The following SPECC1 variants were observed in gnomAD, a reference collection of about 807,000 sequenced individuals.
SPECC1 encodes the protein cytospin-B.
In SPECC1, 62 loss-of-function variants were observed where a neutral mutation model predicts 104.1. That is an observed-to-expected ratio of 0.60 (90% confidence interval 0.49 to 0.74). The LOEUF (loss-of-function observed/expected upper bound fraction) is 0.74, where lower values mean the gene tolerates loss of function less well. Ranked by LOEUF, SPECC1 falls within the 30% of genes least tolerant of loss-of-function variation. SPECC1 has a pLI of 0.00. For missense variants in SPECC1, 1,306 were observed against 1,310.5 expected (o/e 1.00, Z 0.05); for synonymous variants, 513 against 501.6 (o/e 1.02, Z -0.30).
intron 1 of SPECC1, among the ~76,000 whole-genome samples, chr17:20,081,403 T>C (rs1263207450): frequency 6.6e-6 from 1 of 152,044 alleles, no homozygotes; most frequent in Non-Finnish European, 1.5e-5. Flanking sequence ...TGGTTTTTTT[T>C]CCCAGTGCAG....
At chr17:20,143,862 G>A (rs1222393197) in intron 3 of SPECC1, among the ~76,000 whole-genome samples, 1 of 152,228 alleles carries the variant, frequency 6.6e-6, no homozygotes, top group Non-Finnish European at 1.5e-5. Context: ...TGTACCTGCA[G>A]CAGTGAGTGC....
rs985725698 is a variant in SPECC1 at position 20,222,430 on chromosome 17, C to T, written c.1864-4983C>T. Among the ~76,000 whole-genome samples the T allele has an allele frequency of 2.0e-4, 31 of 152,226 alleles. 1 individual carries two copies. The highest frequency in any genetic ancestry group is 6.5e-5 in the Admixed American group (1 of 15,290). On this transcript the variant is annotated intron_variant, in intron 4 of 14. Coordinates refer to ENST00000395527, the MANE Select transcript of SPECC1 (RefSeq NM_001243439.2). ...AGGAAAAGAGTGTGTATTCTGCAGC[C>T]ATTAGATGAAATGTTCTGTAAAGGT...
At chr17:20,129,038 A>G (rs756089407) in intron 3 of SPECC1, among the ~76,000 whole-genome samples, 34 of 151,628 alleles carry the variant, frequency 2.2e-4, no homozygotes, top group Non-Finnish European at 4.1e-4. Context: ...GACTACAGCC[A>G]TGCGCCACCA....
At chr17:20,102,283 G>GT (rs2047979948) in intron 2 of SPECC1, among the ~76,000 whole-genome samples, 1 of 152,234 alleles carries the variant, frequency 6.6e-6, no homozygotes, top group South Asian at 2.1e-4. Context: ...CGTGGGATCA[G>GT]TTTTTTGTCT....
At chr17:20,014,307 A>G (rs1161918539) in intron 1 of SPECC1, among the ~76,000 whole-genome samples, 1 of 152,222 alleles carries the variant, frequency 6.6e-6, no homozygotes, top group Admixed American at 6.5e-5. Flanking sequence ...GAGTAAAGCA[A>G]AAAAGAATCT....
At chr17:20,096,918 G>C (rs1316701056) in intron 2 of SPECC1, 120 bp downstream of exon 2, 1 of 1,307,118 alleles carries the variant, frequency 7.7e-7, no homozygotes, top group African/African-American at 1.5e-5. Flanking sequence ...TCCCAAGGAG[G>C]GGTCGCAGGA....
chr17:20,285,086 C>A (rs1342088713), intron 12 of SPECC1, among the ~76,000 whole-genome samples: 2 of 152,148 alleles, frequency 1.3e-5, no homozygotes, highest in African/African-American at 2.4e-5. Flanking sequence ...GTGTACCCTG[C>A]AGCTTGTCCC....
chr17:20,058,646 G>A (rs1253025648), intron 1 of SPECC1, among the ~76,000 whole-genome samples: 1 of 152,038 alleles, frequency 6.6e-6, no homozygotes, highest in Non-Finnish European at 1.5e-5. Flanking sequence ...GCAACAAAGT[G>A]AGACCGTGTA....
rs777136362 is a variant in SPECC1 at position 20,316,254 on chromosome 17, G to A, written c.*2189G>A. On this transcript the variant is annotated 3_prime_UTR_variant, in exon 15 of 15. Coordinates refer to ENST00000395527, the MANE Select transcript of SPECC1 (RefSeq NM_001243439.2). ...TCCCAAGTAGTTGAGTTGAGCTGTTGGTTGTTAGATTTAAGCTGGAATTAG... is the reference window on the plus strand; with the variant it reads ...TCCCAAGTAGTTGAGTTGAGCTGTTAGTTGTTAGATTTAAGCTGGAATTAG... 3 of 231,890 alleles carry A rather than the reference G, an allele frequency of 1.3e-5. No individual in the cohort carries two copies. Among genetic ancestry groups the A allele is most frequent in the Admixed American group, 5.6e-5 (1 of 17,730 alleles). 14.4% of individuals were successfully genotyped at this position (231,890 alleles called of 1,614,324 possible). A position where few individuals can be genotyped will look rare whatever the true frequency, so the allele number is the denominator to read the frequency against.
chr17:20,156,307 G>A, intron 3 of SPECC1: 6 of 1,293,428 alleles, frequency 4.6e-6, no homozygotes, highest in Non-Finnish European at 4.9e-6. Context: ...TTCCCCCACC[G>A]CCTCCGGCTC....
At chr17:20,090,014 C>T (rs2047335522) in intron 1 of SPECC1, among the ~76,000 whole-genome samples, 1 of 152,160 alleles carries the variant, frequency 6.6e-6, no homozygotes, top group South Asian at 2.1e-4. Context: ...GGAGGCTGCC[C>T]CTGGGAAGGG....
chr17:20,038,525 A>G (rs1172318983), intron 1 of SPECC1, among the ~76,000 whole-genome samples: 1 of 149,128 alleles, frequency 6.7e-6, no homozygotes, highest in Non-Finnish European at 1.5e-5. Flanking sequence ...TCAGCCTCCC[A>G]AGTAGCTGGG....
chr17:20,245,363 C>T (rs1293961723), intron 7 of SPECC1, among the ~76,000 whole-genome samples: 1 of 152,172 alleles, frequency 6.6e-6, no homozygotes, highest in Non-Finnish European at 1.5e-5. Flanking sequence ...GCTACAGTCT[C>T]TGTCTACATA....
At position 20,257,520 on chromosome 17, in the gene SPECC1, C is replaced by T; in HGVS notation, c.2750C>T (p.Ser917Leu). ...PHLRKSPSLE[S>L]LSRPPSLGFG... ...CTCCGCAAGAGTCCCTCACTAGAGT[C>T]ACTGAGCAGACCCCCGTCTCTGGGC... Residue 917 changes from serine (S) to leucine (L), a missense_variant, in exon 11 of 15, where the codon TCA (serine) becomes TTA (leucine). Physicochemically the swap from Ser to Leu is moderately radical, Grantham distance 145. Coordinates refer to ENST00000395527, the MANE Select transcript of SPECC1 (RefSeq NM_001243439.2). 1 of 1,613,442 alleles carries T rather than the reference C, an allele frequency of 6.2e-7. No individual in the cohort carries two copies. The highest frequency in any genetic ancestry group is 8.5e-7 in the Non-Finnish European group (1 of 1,179,874).
At chr17:20,055,587 C>G (rs1285466049) in intron 1 of SPECC1, among the ~76,000 whole-genome samples, 1 of 152,210 alleles carries the variant, frequency 6.6e-6, no homozygotes, top group Non-Finnish European at 1.5e-5. Flanking sequence ...AACTTTTAGT[C>G]TAGCAGATAG....
intron 1 of SPECC1, among the ~76,000 whole-genome samples, chr17:20,052,026 G>A (rs1019220339): frequency 6.6e-6 from 1 of 152,186 alleles, no homozygotes; most frequent in African/African-American, 2.4e-5. Flanking sequence ...AGGATTAAAT[G>A]TGACAACTTC....
chr17:20,176,838 C>A (rs905874999), intron 3 of SPECC1, among the ~76,000 whole-genome samples: 2 of 152,140 alleles, frequency 1.3e-5, no homozygotes. Flanking sequence ...ATCTCAATAT[C>A]CTTAAGCACA....
intron 7 of SPECC1, among the ~76,000 whole-genome samples, chr17:20,234,150 C>T (rs1167138020): frequency 6.6e-6 from 1 of 152,170 alleles, no homozygotes. Flanking sequence ...CCTGCATCTT[C>T]AATCTTAACG....
At chr17:20,233,563 G>C (rs925610786) in intron 7 of SPECC1, among the ~76,000 whole-genome samples, 1 of 152,116 alleles carries the variant, frequency 6.6e-6, no homozygotes, top group African/African-American at 2.4e-5. Flanking sequence ...TTTAGAGATG[G>C]GGGTCTCACT....
Sources: allele counts gnomAD v4.1 joint callset (sites outside exome capture counted in the v4.1 genomes callset), GRCh38; gene constraint gnomAD v4.1.1; transcripts MANE v1.5; gene names NCBI Gene and HGNC (gene_info 2026-07-23, HGNC 2026-07-21).